The following FBXL17 variants were observed in gnomAD, a reference collection of about 807,000 sequenced individuals.
The protein encoded by FBXL17 is F-box and leucine rich repeat protein 17, also known as F-box/LRR-repeat protein 17.
In FBXL17, 22 loss-of-function variants were observed where a neutral mutation model predicts 66.2. That is an observed-to-expected ratio of 0.33 (90% CI 0.24 to 0.47). The LOEUF is 0.47. FBXL17 is among the 20% of genes least tolerant of loss of function. FBXL17 has a pLI of 1.00. For synonymous variants in FBXL17, 474 were observed against 400.5 expected (o/e 1.18, Z -2.19); for missense variants, 878 against 948.2 (o/e 0.93, Z 0.97).
At chr5:108,071,199 T>A (rs1422018431) in intron 6 of FBXL17, among the ~76,000 whole-genome samples, 4 of 152,216 alleles carry the variant, frequency 2.6e-5, no homozygotes, top group Non-Finnish European at 5.9e-5. Context: ...GTGTAACTCT[T>A]GGCTTGGTTG....
chr5:108,349,365 T>C (rs750364533), intron 3 of FBXL17, among the ~76,000 whole-genome samples: 14 of 152,116 alleles, frequency 9.2e-5, no homozygotes, highest in Non-Finnish European at 2.1e-4. Flanking sequence ...AGCGCATGAG[T>C]GAGTTTTTAT....
intron 7 of FBXL17, among the ~76,000 whole-genome samples, chr5:107,993,280 C>A (rs915496259): frequency 2.0e-5 from 3 of 152,036 alleles, no homozygotes; most frequent in Non-Finnish European, 4.4e-5. Flanking sequence ...TATAAGCCTG[C>A]AAGGGGTAAA....
chr5:108,114,270 T>C (rs1262360528), intron 6 of FBXL17, among the ~76,000 whole-genome samples: 4 of 152,224 alleles, frequency 2.6e-5, no homozygotes, highest in African/African-American at 7.2e-5. Flanking sequence ...TAGTAACCAT[T>C]TGCTTACTCT....
intron 4 of FBXL17, among the ~76,000 whole-genome samples, chr5:108,285,762 A>C (rs1341592221): frequency 6.6e-6 from 1 of 151,726 alleles, no homozygotes; most frequent in Non-Finnish European, 1.5e-5. Context: ...GCCTACAAAC[A>C]GTGGACTTTA....
intron 6 of FBXL17, among the ~76,000 whole-genome samples, chr5:108,154,680 T>C (rs1751923520): frequency 6.3e-5 from 9 of 142,484 alleles, no homozygotes; most frequent in African/African-American, 2.3e-4. Flanking sequence ...TGTGTATATA[T>C]ATACACATAT....
chr5:108,279,177 G>C (rs1392294042), intron 4 of FBXL17, among the ~76,000 whole-genome samples: 1 of 152,118 alleles, frequency 6.6e-6, no homozygotes, highest in Non-Finnish European at 1.5e-5. Flanking sequence ...CTCGTGAGCT[G>C]CTTCACCTGG....
chr5:107,990,058 A>G (rs967489), intron 7 of FBXL17, among the ~76,000 whole-genome samples: 97,312 of 152,042 alleles, frequency 0.64, 32,113 homozygotes, highest in African/African-American at 0.82. Flanking sequence ...TGAGCAACAT[A>G]TTCTAGGGAT....
At chr5:108,082,985 G>C (rs1273623520) in intron 6 of FBXL17, among the ~76,000 whole-genome samples, 2 of 152,164 alleles carry the variant, frequency 1.3e-5, no homozygotes, top group African/African-American at 4.8e-5. Context: ...AGAAAGCAAT[G>C]TTGTGTAGCA....
chr5:108,023,227 A>G (rs1360450325), intron 6 of FBXL17, among the ~76,000 whole-genome samples: 1 of 152,180 alleles, frequency 6.6e-6, no homozygotes, highest in Non-Finnish European at 1.5e-5. Flanking sequence ...TCCTGAAGTA[A>G]AAATTCATGG....
chr5:108,086,314 C>CA (rs1748968368), intron 6 of FBXL17, among the ~76,000 whole-genome samples: 1 of 152,216 alleles, frequency 6.6e-6, no homozygotes, highest in Non-Finnish European at 1.5e-5. Context: ...AAAATCTAAA[C>CA]AGACAGGCCT....
intron 6 of FBXL17, among the ~76,000 whole-genome samples, chr5:108,068,931 T>C (rs530892230): frequency 6.6e-6 from 1 of 152,180 alleles, no homozygotes; most frequent in African/African-American, 2.4e-5. Flanking sequence ...TGCTAGCTAA[T>C]GGGGTGATTA....
intron 6 of FBXL17, among the ~76,000 whole-genome samples, chr5:108,046,525 T>C (rs1747260322): frequency 6.6e-6 from 1 of 152,196 alleles, no homozygotes; most frequent in African/African-American, 2.4e-5. Flanking sequence ...ATTTGTCTGT[T>C]TTCTCTTTCC....
At chr5:108,355,986 G>C (rs1020450122) in intron 3 of FBXL17, among the ~76,000 whole-genome samples, 1 of 152,082 alleles carries the variant, frequency 6.6e-6, no homozygotes, top group Non-Finnish European at 1.5e-5. Context: ...TTGTCTACAA[G>C]AAATCTACTT....
chr5:107,880,812 C>T (rs1326185325), intron 8 of FBXL17: 3 of 1,355,080 alleles, frequency 2.2e-6, no homozygotes, highest in African/African-American at 1.5e-5. Flanking sequence ...TTTCTTTCTA[C>T]TTAAGCACAA....
At chr5:107,880,259 G>C (rs899264587) in intron 8 of FBXL17, 2 of 547,806 alleles carry the variant, frequency 3.7e-6, no homozygotes, top group African/African-American at 4.1e-5. Flanking sequence ...GGGAGAGGGG[G>C]ATAGAGACAG....
intron 4 of FBXL17, among the ~76,000 whole-genome samples, chr5:108,273,426 G>A (rs1437045430): frequency 1.3e-5 from 2 of 151,658 alleles, no homozygotes. Context: ...TTACTGGAAA[G>A]TATACATAAA....
chr5:108,351,144 T>C (rs1014695841), intron 3 of FBXL17, among the ~76,000 whole-genome samples: 2 of 152,166 alleles, frequency 1.3e-5, no homozygotes, highest in African/African-American at 4.8e-5. Context: ...AAAAGACATT[T>C]ATTAATTCCA....
intron 4 of FBXL17, among the ~76,000 whole-genome samples, chr5:108,238,329 T>C (rs1755697209): frequency 6.6e-6 from 1 of 152,186 alleles, no homozygotes; most frequent in Non-Finnish European, 1.5e-5. Flanking sequence ...AAGACAACAA[T>C]ATTTACTGAG....
intron 6 of FBXL17, among the ~76,000 whole-genome samples, chr5:108,167,794 G>A (rs1752465371): frequency 6.6e-6 from 1 of 152,046 alleles, no homozygotes; most frequent in African/African-American, 2.4e-5. Flanking sequence ...TATTAAAGGG[G>A]AAATAAATAA....
Sources: gnomAD v4.1 joint callset for allele counts (sites outside exome capture counted in the v4.1 genomes callset) on GRCh38, gnomAD v4.1.1 for gene constraint, MANE v1.5 for transcripts, NCBI Gene and HGNC (gene_info 2026-07-23, HGNC 2026-07-21) for gene names.